FAT1: variants seen among roughly 807,000 people sequenced by gnomAD.
FAT1 encodes the protein protocadherin Fat 1.
FAT1 carries 171 observed loss-of-function variants against 329.8 expected under a neutral mutation model. The ratio of observed to expected loss-of-function variants is 0.52; its 90% confidence interval spans 0.46 to 0.59. The LOEUF is 0.59. FAT1 is among the 20% of genes least tolerant of loss of function. The probability of loss-of-function intolerance (pLI) is 0.00; values close to 1 mark genes in which losing one functional copy is unlikely to be tolerated. For missense variants in FAT1, 5,672 were observed against 5,774.4 expected, an observed-to-expected ratio of 0.98 and a Z score of 0.57; for synonymous variants, 2,233 against 2,228.6, an observed-to-expected ratio of 1.00 and a Z score of -0.06.
chr4:186,660,326 G>A (rs1742111153), intron 3 of FAT1, among the ~76,000 whole-genome samples: 1 of 152,114 alleles, frequency 6.6e-6, no homozygotes, highest in South Asian at 2.1e-4. Context: ...GCTGAGGTGG[G>A]GGAAGAGAAG....
rs1424317125 is a variant in FAT1 at position 186,609,114 on chromosome 4, G to A, written c.10206+69C>T. 2.6e-6 allele frequency: 4 copies of A among 1,561,078 alleles called. No individual in the cohort carries two copies. The African/African-American group carries it at 4.1e-5, about 16-fold the overall frequency. On this transcript the variant is annotated intron_variant, in intron 16 of 26. Coordinates refer to ENST00000441802, the MANE Select transcript of FAT1 (RefSeq NM_005245.4). Reference sequence around the variant, plus strand: ...TGCTCACACCACGCCCAGCAGACAAGAGCACAAGGCATTTCTAGTTATTGA... The same window carrying A: ...TGCTCACACCACGCCCAGCAGACAAAAGCACAAGGCATTTCTAGTTATTGA...
intron 3 of FAT1, among the ~76,000 whole-genome samples, chr4:186,654,089 T>C (rs774695974): frequency 6.6e-6 from 1 of 152,208 alleles, no homozygotes; most frequent in African/African-American, 2.4e-5. Context: ...GCACAGGGAC[T>C]GGGAGTGGCA....
At position 186,645,403 on chromosome 4, in the gene FAT1, AT is replaced by A. The variant is rs1560962447; in HGVS notation, c.3581-5621del. Among the ~76,000 whole-genome samples the A allele has an allele frequency of 3.1e-4, 32 of 104,210 alleles. 1 individual carries two copies. Among genetic ancestry groups the A allele is most frequent in the African/African-American group, 1.2e-3 (32 of 26,476 alleles). The allele number at this position is 104,210 out of a possible 152,430, so 68.4% of individuals were successfully genotyped here. ...TATATATATATATATATATATATAT[AT>A]ATATATATATATATATATGCCTGTA... On this transcript the variant is annotated intron_variant, in intron 3 of 26. Transcript: ENST00000441802.
chr4:186,711,859 G>T (rs1016095707), intron 1 of FAT1, among the ~76,000 whole-genome samples: 17 of 152,306 alleles, frequency 1.1e-4, no homozygotes, highest in African/African-American at 3.4e-4. Context: ...GGCAGAGATT[G>T]CAGTGAGCCG....
At chr4:186,617,639 G>C in intron 10 of FAT1, 69 bp downstream of exon 10, 1 of 1,306,648 alleles carries the variant, frequency 7.7e-7, no homozygotes, top group South Asian at 1.5e-5. Context: ...ATACAATACA[G>C]ATCTTATACT....
Position 186,621,029 on chromosome 4 carries a change from C to G in FAT1, c.5557G>C (p.Gly1853Arg). The change falls in exon 10 of 27, where the codon GGA (glycine) becomes CGA (arginine). Residue 1853 changes from glycine (G) to arginine (R), a missense_variant. This residue lies in a region of FAT1 where 3,966 missense variants were observed against 3,915.2 expected (regional missense o/e 1.01). Coordinates refer to ENST00000441802, the MANE Select transcript of FAT1 (RefSeq NM_005245.4). ...FHFTVQVHDM[G>R]TPRLFAEYAA... ...TACTCAGCAAATAAACGTGGGGTTC[C>G]CATGTCATGCACTTGGACGGTAAAG... 1 of 1,612,678 alleles carries G rather than the reference C, an allele frequency of 6.2e-7. No individual in the cohort carries two copies.
At chr4:186,722,062 C>CCCCG (rs1228257226) in intron 1 of FAT1, among the ~76,000 whole-genome samples, 1 of 152,062 alleles carries the variant, frequency 6.6e-6, no homozygotes, top group Non-Finnish European at 1.5e-5. Context: ...GGTCTCGGAC[C>CCCCG]CCCGACCTCC....
rs201145478 is a variant in FAT1 at position 186,636,203 on chromosome 4, C to A, written c.4005G>T (p.Lys1335Asn). ...IKAVDNGRPQKSSTTRLHIEW... is the reference protein window; with the variant it reads ...IKAVDNGRPQNSSTTRLHIEW... ...CAATATGGAGTCTGGTGGTTGATGA[C>A]TTTTGAGGGCGACCATTGTCAACTG... The change falls in exon 6 of 27, where the codon AAG (lysine) becomes AAT (asparagine). Residue 1335 changes from lysine (K) to asparagine (N), a missense_variant. Physicochemically the swap from Lys to Asn is moderately conservative, Grantham distance 94 (BLOSUM62 0). Transcript: ENST00000441802. 1.2e-6 allele frequency: 2 copies of A among 1,613,992 alleles called. No homozygotes were observed. The highest frequency in any genetic ancestry group is 1.6e-4 in the Middle Eastern group (1 of 6,062).
chr4:186,628,878 T>C (rs975936729), intron 7 of FAT1, 115 bp from the exon 8 acceptor site: 1 of 1,043,470 alleles, frequency 9.6e-7, no homozygotes, highest in African/African-American at 1.6e-5. Flanking sequence ...CAAAATAAAA[T>C]ACGAGAAAGG....
chr4:186,620,539 A>G lies in FAT1; in HGVS notation c.6047T>C (p.Ile2016Thr). ...NPINEPLFYHILNPDRRFKIS... is the reference protein window; with the variant it reads ...NPINEPLFYHTLNPDRRFKIS... Reference sequence around the variant, plus strand: ...TTTAAATCTGCGATCTGGGTTGAGGATGTGATAAAACAAAGGCTCATTGAT... The same window carrying G: ...TTTAAATCTGCGATCTGGGTTGAGGGTGTGATAAAACAAAGGCTCATTGAT... The change falls in exon 10 of 27, where the codon ATC becomes ACC. Residue 2016 changes from isoleucine (I) to threonine (T), a missense_variant. Physicochemically the swap from Ile to Thr is moderately conservative, Grantham distance 89. Transcript: ENST00000441802. 6.2e-7 allele frequency: 1 copy of G among 1,613,990 alleles called. No individual in the cohort carries two copies. The highest frequency in any genetic ancestry group is 8.5e-7 in the Non-Finnish European group (1 of 1,179,898).
chr4:186,705,050 T>C lies in FAT1; in HGVS notation c.3265+1513A>G, dbSNP rs540468879. 2.1e-5 allele frequency among the ~76,000 whole-genome samples: 3 copies of C among 141,260 alleles called. No individual in the cohort carries two copies. The South Asian group carries it at 7.2e-4, about 34-fold the overall frequency. 92.7% of individuals were successfully genotyped at this position (141,260 alleles called of 152,430 possible). A position where few individuals can be genotyped will look rare whatever the true frequency, so the allele number is the denominator to read the frequency against. Reference sequence around the variant, plus strand: ...GCCTCGACCTCCTGGACTCAAGCCATCCTCCCACCTCAGCCTCCCAAGTAG... The same window carrying C: ...GCCTCGACCTCCTGGACTCAAGCCACCCTCCCACCTCAGCCTCCCAAGTAG... On this transcript the variant is annotated intron_variant, in intron 2 of 26. Coordinates refer to ENST00000441802, the MANE Select transcript of FAT1 (RefSeq NM_005245.4).
chr4:186,656,022 C>T (rs1468178086), intron 3 of FAT1, among the ~76,000 whole-genome samples: 1 of 152,226 alleles, frequency 6.6e-6, no homozygotes, highest in African/African-American at 2.4e-5. Flanking sequence ...CTGAAGGTGG[C>T]AAAGGCCGAA....
rs756524012 is a variant in FAT1 at position 186,599,967 on chromosome 4, T to C, written c.12034A>G (p.Thr4012Ala). ...TTGCTGGCGCAGTCTTCCGTGGCCG[T>C]CAGGAAGCAGCCTGGAGATACATCC... ...SVDVSPGCFLTATEDCASNPC... is the reference protein window; with the variant it reads ...SVDVSPGCFLAATEDCASNPC... The change falls in exon 22 of 27, where the codon ACG (threonine) becomes GCG (alanine). Residue 4012 changes from threonine to alanine, a missense_variant. Transcript: ENST00000441802. 6.2e-6 allele frequency: 10 copies of C among 1,613,864 alleles called. No homozygotes were observed. In the South Asian group the frequency reaches 1.1e-4, roughly 18 times the overall value.
Position 186,603,510 on chromosome 4 carries a change from A to G in FAT1, c.11016T>C (p.Gly3672=), listed in dbSNP as rs1481876199. The change falls in exon 19 of 27, where the codon GGT becomes GGC. Residue 3672 remains glycine (G), a synonymous_variant. Transcript: ENST00000441802. ...CAATCTGTATGTCGTTCCTCCTCAC[A>G]CCCAGGATGTTCCGTAAAGCTCGCT... The part of the protein sequence containing the change: ...NFQRALRNIL[G]VRRNDIQIVS... 1 of 1,613,934 alleles carries G rather than the reference A, an allele frequency of 6.2e-7. No homozygotes were observed.
Position 186,613,347 on chromosome 4 carries a change from A to G in FAT1, c.9230-5T>C, listed in dbSNP as rs1353851560. 5 of 1,606,258 alleles carry G rather than the reference A, an allele frequency of 3.1e-6. No homozygotes were observed. The African/African-American group carries it at 6.7e-5, about 21-fold the overall frequency. On this transcript the variant is annotated splice_polypyrimidine_tract_variant and splice_region_variant and intron_variant, in intron 12 of 26. Transcript: ENST00000441802. ...GGGTTGACGTTTTCAGTTCACCTAC[A>G]AACAAAAACAAATGGACTCACTTGT...
chr4:186,633,683 C>T lies in FAT1; in HGVS notation c.4323+1G>A, dbSNP rs780613153. ...AAGTGTGTCATTAGTAATTCACTTA[C>T]CTGAGTGAGGATAGTGGTGGTTCCA... On this transcript the variant is annotated splice_donor_variant, in intron 7 of 26. Transcript: ENST00000441802. LOFTEE classifies it high-confidence loss of function. 1 of 1,613,856 alleles carries T rather than the reference C, an allele frequency of 6.2e-7. No individual in the cohort carries two copies. Among genetic ancestry groups the T allele is most frequent in the Non-Finnish European group, 8.5e-7 (1 of 1,179,852 alleles).
intron 3 of FAT1, among the ~76,000 whole-genome samples, chr4:186,662,926 C>A (rs980928291): frequency 6.6e-6 from 1 of 151,934 alleles, no homozygotes; most frequent in Non-Finnish European, 1.5e-5. Flanking sequence ...AAGCTCCGCC[C>A]CCCGGGTTCA....
intron 9 of FAT1, among the ~76,000 whole-genome samples, chr4:186,627,716 T>A (rs1452879800): frequency 6.6e-6 from 1 of 152,108 alleles, no homozygotes; most frequent in African/African-American, 2.4e-5. Flanking sequence ...ATGAGATGAG[T>A]CAACACTGTT....
intron 7 of FAT1, among the ~76,000 whole-genome samples, chr4:186,631,284 G>A (rs1386719604): frequency 6.6e-6 from 1 of 151,998 alleles, no homozygotes; most frequent in African/African-American, 2.4e-5. Flanking sequence ...TCTCCCAGCT[G>A]ATCCCTCTGC....
Sources: allele counts gnomAD v4.1 joint callset (sites outside exome capture counted in the v4.1 genomes callset), GRCh38; gene constraint gnomAD v4.1.1; regional missense constraint gnomAD v4.1.1; transcripts MANE v1.5; gene names NCBI Gene and HGNC (gene_info 2026-07-23, HGNC 2026-07-21).